SLC14A2: variants seen among roughly 807,000 people sequenced by gnomAD.
SLC14A2 encodes the protein urea transporter 2.
In SLC14A2, 91 loss-of-function variants were observed where a neutral mutation model predicts 104.6. That is an observed-to-expected ratio of 0.87 (90% CI 0.73 to 1.04). The LOEUF (loss-of-function observed/expected upper bound fraction) is 1.04, where lower values mean the gene tolerates loss of function less well. SLC14A2 is among the 50% of genes least tolerant of loss of function. The probability of loss-of-function intolerance (pLI) is 0.00; values close to 1 mark genes in which losing one functional copy is unlikely to be tolerated. For missense variants in SLC14A2, 1,189 were observed against 1,156.0 expected, an observed-to-expected ratio of 1.03 and a Z score of -0.41; for synonymous variants, 476 against 466.4, an observed-to-expected ratio of 1.02 and a Z score of -0.27.
At chr18:45,614,757 C>T (rs1318624469), upstream of SLC14A2, 1 of 151,312 alleles carries the variant, frequency 6.6e-6, no homozygotes, top group Non-Finnish European at 1.5e-5. Flanking sequence ...TCCAATGCCT[C>T]CTGCACCCCC....
chr18:45,596,351 G>A lies in SLC14A2; in HGVS notation c.-34-28280G>A, dbSNP rs116958968. 4.9e-4 allele frequency among the ~76,000 whole-genome samples: 75 copies of A among 152,318 alleles called. 1 individual carries two copies. The highest frequency in any genetic ancestry group is 9.7e-4 in the Non-Finnish European group (66 of 68,024). ...ATGGAGGCATGCGCAGCTAGAACACGATCTTCATTCAAAACACTGTGGGTA... is the reference window on the plus strand; with the variant it reads ...ATGGAGGCATGCGCAGCTAGAACACAATCTTCATTCAAAACACTGTGGGTA... On this transcript the variant is annotated intron_variant, in intron 2 of 20. Coordinates refer to the SLC14A2 transcript ENST00000586448.
chr18:45,294,349 T>A (rs938874491), intron 1 of SLC14A2, among the ~76,000 whole-genome samples: 1 of 152,246 alleles, frequency 6.6e-6, no homozygotes, highest in Admixed American at 6.5e-5. Context: ...TTTTTTCTAC[T>A]GAAAACATCC....
At chr18:45,639,692 G>A (rs2045485940) in intron 6 of SLC14A2, 54 bp from the exon 7 acceptor site, 1 of 1,589,612 alleles carries the variant, frequency 6.3e-7, no homozygotes, top group Non-Finnish European at 8.6e-7. Flanking sequence ...CCCTGAGTCT[G>A]GTTTTTGCAT....
At chr18:45,182,688 A>G in the SLC14A2 span, among the ~76,000 whole-genome samples, 1 of 152,228 alleles carries the variant, frequency 6.6e-6, no homozygotes, top group South Asian at 2.1e-4. Flanking sequence ...AAATATATAA[A>G]GCAACAACAA....
intron 2 of SLC14A2, among the ~76,000 whole-genome samples, chr18:45,564,390 C>A (rs2044240456): frequency 1.3e-5 from 2 of 152,200 alleles, no homozygotes; most frequent in Admixed American, 1.3e-4. Context: ...GGTCTCTGTA[C>A]AACTGCATCC....
chr18:45,386,683 C>T lies in SLC14A2; in HGVS notation c.-124-96550C>T, dbSNP rs542508918. ...CCTGCTTTCAGAATTAGAAGAACAT[C>T]ATGGTTGAGAGCATAGACTTTGGGG... is the stretch of plus-strand genomic sequence containing the variant. On this transcript the variant is annotated intron_variant, in intron 1 of 20. Transcript: ENST00000586448. Among the ~76,000 whole-genome samples the T allele has an allele frequency of 9.2e-5, 14 of 152,324 alleles. No homozygotes were observed. The East Asian group carries it at 2.5e-3, about 27-fold the overall frequency.
chr18:45,573,257 G>T (rs1400700549), intron 2 of SLC14A2, among the ~76,000 whole-genome samples: 2 of 152,182 alleles, frequency 1.3e-5, no homozygotes, highest in African/African-American at 4.8e-5. Flanking sequence ...TCTAGATGAT[G>T]CTTATGGCAC....
At position 45,473,248 on chromosome 18, in the gene SLC14A2, G is replaced by A. The variant is rs191118249; in HGVS notation, c.-124-9985G>A. Among the ~76,000 whole-genome samples the A allele has an allele frequency of 4.9e-3, 750 of 152,216 alleles. 1 individual carries two copies. The highest frequency in any genetic ancestry group is 5.7e-3 in the Admixed American group (87 of 15,294). On this transcript the variant is annotated intron_variant, in intron 1 of 20. Transcript: ENST00000586448. ...TCCATTGGTCTATATATCTGCTTTG[G>A]TACCAGTACCATGCTGTTTTGGTTA...
intron 2 of SLC14A2, among the ~76,000 whole-genome samples, chr18:45,511,992 G>A (rs954666492): frequency 5.9e-5 from 9 of 152,140 alleles, no homozygotes; most frequent in African/African-American, 2.2e-4. Context: ...GAAAGAGGAA[G>A]GTAGAAAAAT....
At chr18:45,221,196 AAAGAGAAATCACT>A (rs1441346353) in intron 1 of SLC14A2, among the ~76,000 whole-genome samples, 4 of 152,212 alleles carry the variant, frequency 2.6e-5, no homozygotes, top group Non-Finnish European at 5.9e-5. Flanking sequence ...GGACTAGGAA[AAAGAGAAATCACT>A]CATGGTCAAG....
intron 1 of SLC14A2, among the ~76,000 whole-genome samples, chr18:45,372,823 A>G (rs2085737166): frequency 1.3e-5 from 2 of 152,240 alleles, no homozygotes; most frequent in Admixed American, 1.3e-4. Context: ...TTTAAAAAAG[A>G]TTATTTCAAG....
the SLC14A2 span, among the ~76,000 whole-genome samples, chr18:45,184,880 G>A: frequency 6.6e-6 from 1 of 152,190 alleles, no homozygotes; most frequent in Non-Finnish European, 1.5e-5. Context: ...ACCTATGCCT[G>A]TGGGTTGGCT....
intron 1 of SLC14A2, among the ~76,000 whole-genome samples, chr18:45,367,475 C>T (rs2085677728): frequency 6.6e-6 from 1 of 152,170 alleles, no homozygotes; most frequent in Admixed American, 6.5e-5. Flanking sequence ...ATCTCATCTT[C>T]CCATTTTAAA....
At chr18:45,401,835 T>G (rs1389909825) in intron 1 of SLC14A2, among the ~76,000 whole-genome samples, 2 of 152,188 alleles carry the variant, frequency 1.3e-5, no homozygotes, top group African/African-American at 4.8e-5. Flanking sequence ...CCACTGGTGA[T>G]ACATTAGATA....
chr18:45,554,629 G>A (rs2044105903), intron 2 of SLC14A2, among the ~76,000 whole-genome samples: 1 of 151,982 alleles, frequency 6.6e-6, no homozygotes, highest in Non-Finnish European at 1.5e-5. Flanking sequence ...CATTAATAAA[G>A]AATGGAACCT....
chr18:45,484,855 G>A (rs2087569632), intron 2 of SLC14A2, among the ~76,000 whole-genome samples: 1 of 152,128 alleles, frequency 6.6e-6, no homozygotes, highest in Non-Finnish European at 1.5e-5. Context: ...AAGTCCCAAG[G>A]AGATAATTCA....
At chr18:45,508,497 C>T (rs757374354) in intron 2 of SLC14A2, among the ~76,000 whole-genome samples, 3 of 152,216 alleles carry the variant, frequency 2.0e-5, no homozygotes, top group Non-Finnish European at 4.4e-5. Flanking sequence ...CTGCCATGAT[C>T]GTGAGGCTTC....
At chr18:45,291,499 G>A (rs2084869024) in intron 1 of SLC14A2, among the ~76,000 whole-genome samples, 1 of 152,138 alleles carries the variant, frequency 6.6e-6, no homozygotes, top group African/African-American at 2.4e-5. Flanking sequence ...TATTGCCCCT[G>A]GTTACGCAGA....
At chr18:45,420,082 G>A (rs1404501237) in intron 1 of SLC14A2, among the ~76,000 whole-genome samples, 1 of 152,204 alleles carries the variant, frequency 6.6e-6, no homozygotes, top group Non-Finnish European at 1.5e-5. Flanking sequence ...GATCTCTCAT[G>A]AGATGTCAGC....
Sources: allele counts gnomAD v4.1 joint callset (sites outside exome capture counted in the v4.1 genomes callset), GRCh38; gene constraint gnomAD v4.1.1; transcripts MANE v1.5; gene names NCBI Gene and HGNC (gene_info 2026-07-23, HGNC 2026-07-21).